The following GLOD4 variants were observed in gnomAD, a reference collection of about 807,000 sequenced individuals.
The protein encoded by GLOD4 is glyoxalase domain containing 4.
In GLOD4, 44 loss-of-function variants were observed where a neutral mutation model predicts 39.1. The ratio of observed to expected loss-of-function variants is 1.13; its 90% CI spans 0.88 to 1.45. The LOEUF is 1.45. Among genes scored for constraint, GLOD4 ranks in the 40% most tolerant of loss-of-function variants. The pLI is 0.00. For synonymous variants in GLOD4, 145 were observed against 135.0 expected, an observed-to-expected ratio of 1.07 and a Z score of -0.52; for missense variants, 405 against 366.4, an observed-to-expected ratio of 1.11 and a Z score of -0.86.
chr17:766,877 C>A (rs899532781), intron 8 of GLOD4, among the ~76,000 whole-genome samples: 2 of 152,078 alleles, frequency 1.3e-5, no homozygotes, highest in Non-Finnish European at 2.9e-5. Flanking sequence ...CCACCCTGGG[C>A]GACAGAGCTA....
chr17:778,716 C>T lies in GLOD4; in HGVS notation c.119G>A (p.Gly40Asp), dbSNP rs754689958. 2.2e-5 allele frequency: 36 copies of T among 1,603,216 alleles called. No homozygotes were observed. The highest frequency in any genetic ancestry group is 2.7e-5 in the Non-Finnish European group (32 of 1,170,206). Reference sequence around the variant, plus strand: ...ATACCCATTACAGGCAGCTTTGCAGCCTTCTTCAAATTCCTCATGCCGCAG... The same window carrying T: ...ATACCCATTACAGGCAGCTTTGCAGTCTTCTTCAAATTCCTCATGCCGCAG... ...KVLRHEEFEE[G>D]CKAACNGPYD... Residue 40 changes from glycine (G) to aspartate (D), a missense_variant, in exon 2 of 9, where the codon GGC becomes GAC. Physicochemically the swap from Gly to Asp is moderately conservative, Grantham distance 94. Transcript: ENST00000301329.
upstream of GLOD4, among the ~76,000 whole-genome samples, chr17:785,515 C>A (rs1056954165): frequency 6.6e-6 from 1 of 152,178 alleles, no homozygotes; most frequent in East Asian, 1.9e-4. Flanking sequence ...TAGTCCCAGA[C>A]CCCATTTTAC....
upstream of GLOD4, chr17:783,007 T>G: frequency 6.6e-7 from 1 of 1,526,236 alleles, no homozygotes; most frequent in Non-Finnish European, 8.8e-7. Context: ...GCTCTTTATT[T>G]CTGTTACAAC....
intron 6 of GLOD4, 93 bp downstream of exon 6, chr17:770,328 A>G: frequency 1.3e-6 from 1 of 799,508 alleles, no homozygotes. Context: ...TAAAGCCACA[A>G]TCAAAAAGGA....
intron 8 of GLOD4, among the ~76,000 whole-genome samples, chr17:760,513 C>A (rs998774839): frequency 7.2e-5 from 11 of 152,142 alleles, no homozygotes; most frequent in Non-Finnish European, 1.2e-4. Flanking sequence ...AAGGGCAAAC[C>A]AAGCCTGTAG....
At chr17:764,015 C>A (rs1350341363) in intron 8 of GLOD4, 5 of 152,180 alleles carry the variant, frequency 3.3e-5, no homozygotes, top group Non-Finnish European at 7.3e-5. Flanking sequence ...GTCGTACTCT[C>A]TTCGGTTGTG....
intron 3 of GLOD4, 109 bp from the exon 4 acceptor site, chr17:776,028 A>AAG: frequency 2.5e-6 from 2 of 786,842 alleles, no homozygotes; most frequent in African/African-American, 1.7e-5. Flanking sequence ...AAATCACCTA[A>AAG]GATTTAACTG....
At chr17:780,212 C>T (rs979322788) in intron 1 of GLOD4, among the ~76,000 whole-genome samples, 7 of 152,084 alleles carry the variant, frequency 4.6e-5, no homozygotes, top group East Asian at 1.9e-4. Flanking sequence ...TTATTGATAT[C>T]CTTCCTTAAT....
intron 4 of GLOD4, among the ~76,000 whole-genome samples, chr17:772,175 A>T (rs1183586738): frequency 7.9e-6 from 1 of 126,650 alleles, no homozygotes; most frequent in African/African-American, 3.0e-5. Flanking sequence ...GGTGACAGTG[A>T]GACCCTATCT....
At chr17:766,279 C>G (rs544552056) in intron 8 of GLOD4, among the ~76,000 whole-genome samples, 2 of 151,550 alleles carry the variant, frequency 1.3e-5, no homozygotes, top group African/African-American at 2.4e-5. Context: ...GCCTCGGTGA[C>G]AGAGAGAGAC....
intron 8 of GLOD4, 123 bp from the exon 9 acceptor site, chr17:760,361 C>G: frequency 1.6e-6 from 1 of 629,488 alleles, no homozygotes; most frequent in Non-Finnish European, 2.8e-6. Context: ...GGACCCAAAC[C>G]CCCGCTCCAA....
At chr17:769,993 T>A in intron 7 of GLOD4, 38 bp from the exon 8 acceptor site, 3 of 1,563,088 alleles carry the variant, frequency 1.9e-6, no homozygotes, top group Admixed American at 1.7e-5. Flanking sequence ...GCCAAAGACA[T>A]CCTTGAAGAA....
intron 4 of GLOD4, among the ~76,000 whole-genome samples, chr17:774,617 G>A (rs1908574018): frequency 6.6e-6 from 1 of 152,206 alleles, no homozygotes; most frequent in African/African-American, 2.4e-5. Context: ...TCAAGTCTGG[G>A]AAACTGACCT....
intron 4 of GLOD4, among the ~76,000 whole-genome samples, chr17:774,628 C>A (rs1231909291): frequency 6.6e-6 from 1 of 152,158 alleles, no homozygotes; most frequent in African/African-American, 2.4e-5. Flanking sequence ...AAACTGACCT[C>A]GGCTCCAGAG....
chr17:776,912 A>C lies in GLOD4; in HGVS notation c.217T>G (p.Tyr73Asp). 4 of 1,612,060 alleles carry C rather than the reference A, an allele frequency of 2.5e-6. No homozygotes were observed. Among genetic ancestry groups the C allele is most frequent in the Middle Eastern group, 1.7e-4 (1 of 6,060 alleles). Residue 73 changes from tyrosine (Y) to aspartate (D), a missense_variant, in exon 3 of 9, where the codon TAC becomes GAC. Physicochemically the swap from Tyr to Asp is radical, Grantham distance 160. Transcript: ENST00000301329. ...TTGTAGTCTCCGACGCCATAATTGT[A>C]AGTCAGTTCTGCGACAAAATGATCA... is the stretch of plus-strand genomic sequence containing the variant. ...EDDHFVAELT[Y>D]NYGVGDYKLG... is the part of the protein sequence containing the mutation.
Position 760,254 on chromosome 17 carries a change from A to G in GLOD4, c.832-16T>C. On this transcript the variant is annotated splice_polypyrimidine_tract_variant and intron_variant, in intron 8 of 8. Transcript: ENST00000301329. ...CTGCCATTGCCTGTAAAATAGAAAT[A>G]GAATATACACTGACTCCAAGCCTGA... 1 of 1,433,894 alleles carries G rather than the reference A, an allele frequency of 7.0e-7. No homozygotes were observed. The highest frequency in any genetic ancestry group is 1.1e-5 in the South Asian group (1 of 87,440). 88.8% of individuals were successfully genotyped at this position (1,433,894 alleles called of 1,614,324 possible).
chr17:776,864 T>C lies in GLOD4; in HGVS notation c.261+4A>G. ...AAACTCTGCTAGAAAAAAACGGTAT[T>C]TACCATAAAGTCATTGCCAAGCTTG... On this transcript the variant is annotated splice_donor_region_variant and intron_variant, in intron 3 of 8. Coordinates refer to ENST00000301329, the MANE Select transcript of GLOD4 (RefSeq NM_016080.4). The C allele has an allele frequency of 6.2e-7, 1 of 1,612,392 alleles. No individual in the cohort carries two copies. The highest frequency in any genetic ancestry group is 1.1e-5 in the South Asian group (1 of 91,044).
Position 775,794 on chromosome 17 carries a change from A to G in GLOD4, c.387T>C (p.Asn129=). The G allele has an allele frequency of 6.2e-7, 1 of 1,614,084 alleles. No individual in the cohort carries two copies. The change falls in exon 4 of 9, where the codon AAT becomes AAC. Residue 129 remains asparagine (N), a synonymous_variant. Coordinates refer to ENST00000301329, the MANE Select transcript of GLOD4 (RefSeq NM_016080.4). The part of the protein sequence containing the change: ...APGGYKFYLQ[N]RSLPQSDPVL... ...AATTACCTGACTGAGGCAGACTGCG[A>G]TTCTGCAAATAGAACTTATATCCTC... is the stretch of plus-strand genomic sequence containing the variant.
chr17:769,809 A>G (rs1907603961), intron 8 of GLOD4, 60 bp downstream of exon 8: 2 of 1,000,528 alleles, frequency 2.0e-6, no homozygotes, highest in African/African-American at 3.2e-5. Flanking sequence ...CTCCTCCCAC[A>G]CACACTTAAT....
Sources: gnomAD v4.1 joint callset for allele counts (sites outside exome capture counted in the v4.1 genomes callset) on GRCh38, gnomAD v4.1.1 for gene constraint, MANE v1.5 for transcripts, NCBI Gene and HGNC (gene_info 2026-07-23, HGNC 2026-07-21) for gene names.